Variants in PLD5 observed in about 807,000 individuals in gnomAD.
PLD5 encodes the protein inactive phospholipase D5.
A neutral mutation model predicts 61.1 loss-of-function variants in PLD5; 36 were observed. That is an observed-to-expected ratio of 0.59 (90% CI 0.45 to 0.78). The LOEUF (loss-of-function observed/expected upper bound fraction) is 0.78, where lower values mean the gene tolerates loss of function less well. PLD5 is among the 30% of genes least tolerant of loss of function. PLD5 has a pLI of 0.00. For missense variants in PLD5, 515 were observed against 644.4 expected (o/e 0.80, Z 2.17); for synonymous variants, 243 against 242.8 (o/e 1.00, Z -0.01).
chr1:242,473,509 G>T (rs1667502617), intron 1 of PLD5, among the ~76,000 whole-genome samples: 1 of 152,176 alleles, frequency 6.6e-6, no homozygotes, highest in Non-Finnish European at 1.5e-5. Flanking sequence ...AGAAAAAAAT[G>T]GTTTGTATGT....
In PLD5 at chr1:242,273,790, AGAG is replaced by A. The variant is rs1245361505; in HGVS notation, c.496-8345_496-8343del. Among the ~76,000 whole-genome samples, 3 of 152,360 alleles carry A rather than the reference AGAG, an allele frequency of 2.0e-5. No homozygotes were observed. The East Asian group carries it at 5.8e-4, about 29-fold the overall frequency. ...GGGCAAAAGGGGATTTGACACAACT[AGAG>A]GAGAAGACACTGTGAAGATGGAGCA... On this transcript the variant is annotated intron_variant, in intron 3 of 9. Coordinates refer to ENST00000536534, the MANE Select transcript of PLD5 (RefSeq NM_001372062.1).
intron 3 of PLD5, 52 bp downstream of exon 3, chr1:242,288,310 G>A: frequency 1.3e-6 from 2 of 1,588,324 alleles, no homozygotes; most frequent in Non-Finnish European, 1.7e-6. Context: ...ATACTAAGGA[G>A]TGGAAAATGC....
chr1:242,421,339 T>C (rs1665132432), intron 1 of PLD5, among the ~76,000 whole-genome samples: 1 of 152,174 alleles, frequency 6.6e-6, no homozygotes, highest in Non-Finnish European at 1.5e-5. Context: ...TAGGTTGGAT[T>C]TGGGTCTGTT....
chr1:242,255,385 T>C (rs1427611810), intron 4 of PLD5, among the ~76,000 whole-genome samples: 1 of 152,176 alleles, frequency 6.6e-6, no homozygotes, highest in Non-Finnish European at 1.5e-5. Flanking sequence ...AAAAAAAGCC[T>C]CAATAAGCTA....
chr1:242,492,557 A>G (rs948867059), intron 1 of PLD5, among the ~76,000 whole-genome samples: 18 of 151,964 alleles, frequency 1.2e-4, no homozygotes, highest in African/African-American at 4.4e-4. Flanking sequence ...AGAATACAAC[A>G]TCATATACTG....
chr1:242,417,668 A>G (rs1345591143), intron 1 of PLD5, among the ~76,000 whole-genome samples: 4 of 152,212 alleles, frequency 2.6e-5, no homozygotes, highest in African/African-American at 9.6e-5. Flanking sequence ...GATGAGGTCA[A>G]GAGCCCTCCA....
chr1:242,341,184 G>A (rs1281024110), intron 2 of PLD5, among the ~76,000 whole-genome samples: 1 of 151,536 alleles, frequency 6.6e-6, no homozygotes, highest in Non-Finnish European at 1.5e-5. Context: ...CACTGGCCAA[G>A]TAGTGACAAT....
At chr1:242,327,407 T>C (rs1423761587) in intron 2 of PLD5, among the ~76,000 whole-genome samples, 2 of 152,228 alleles carry the variant, frequency 1.3e-5, no homozygotes, top group Non-Finnish European at 1.5e-5. Context: ...TTTGACAATA[T>C]AGAGTTCTTT....
At chr1:242,288,072 A>G (rs1847099) in intron 3 of PLD5, among the ~76,000 whole-genome samples, 135,021 of 152,256 alleles carry the variant, frequency 0.89, 60,021 homozygotes, top group East Asian at 0.94. Context: ...AGAGATTATC[A>G]TGTAAATAGC....
rs542874749 is a variant in PLD5, at chr1:242,316,397, T to C, written c.327-27867A>G. Among the ~76,000 whole-genome samples the C allele has an allele frequency of 2.0e-5, 3 of 152,288 alleles. No homozygotes were observed. In the East Asian group the frequency reaches 5.8e-4, roughly 29 times the overall value. ...CTCCTGGCAGAGGGCCCTCCACTAT[T>C]GCAGGCACCTTCATGGCTTTCGGTT... On this transcript the variant is annotated intron_variant, in intron 2 of 9. Coordinates refer to ENST00000536534, the MANE Select transcript of PLD5 (RefSeq NM_001372062.1).
chr1:242,442,635 A>T (rs944159520), intron 1 of PLD5, among the ~76,000 whole-genome samples: 2 of 152,176 alleles, frequency 1.3e-5, no homozygotes, highest in East Asian at 1.9e-4. Context: ...TGAGCTGTAC[A>T]TCTATGATTT....
intron 4 of PLD5, among the ~76,000 whole-genome samples, chr1:242,260,784 A>G (rs1574628491): frequency 6.6e-6 from 1 of 152,368 alleles, no homozygotes; most frequent in African/African-American, 2.4e-5. Flanking sequence ...ATTAAGGATT[A>G]CATTTCTAAA....
chr1:242,529,502 C>A (rs1167507343), upstream of PLD5, among the ~76,000 whole-genome samples: 3 of 152,136 alleles, frequency 2.0e-5, no homozygotes, highest in Non-Finnish European at 4.4e-5. Flanking sequence ...GAAAGAGTGA[C>A]CTGCCCAAGA....
chr1:242,458,334 ATGAT>A (rs1342024403), intron 1 of PLD5, among the ~76,000 whole-genome samples: 7 of 152,234 alleles, frequency 4.6e-5, no homozygotes, highest in African/African-American at 1.7e-4. Context: ...CATATTACTA[ATGAT>A]TGCTCTCAAG....
intron 2 of PLD5, among the ~76,000 whole-genome samples, chr1:242,324,637 T>C (rs927803076): frequency 1.3e-5 from 2 of 152,130 alleles, no homozygotes; most frequent in Admixed American, 6.5e-5. Flanking sequence ...AACTAACAAA[T>C]CATCCACAAG....
At chr1:242,125,607 G>C (rs1048651799) in intron 5 of PLD5, among the ~76,000 whole-genome samples, 1 of 152,120 alleles carries the variant, frequency 6.6e-6, no homozygotes, top group Non-Finnish European at 1.5e-5. Flanking sequence ...GGTCATTAAA[G>C]AACAGCACAC....
At chr1:242,381,409 A>G (rs1662270753) in intron 1 of PLD5, among the ~76,000 whole-genome samples, 1 of 152,028 alleles carries the variant, frequency 6.6e-6, no homozygotes, top group African/African-American at 2.4e-5. Context: ...GGGGTGAGGG[A>G]GGGGGAAGGA....
chr1:242,452,308 T>C (rs2102925552), intron 1 of PLD5, among the ~76,000 whole-genome samples: 1 of 152,262 alleles, frequency 6.6e-6, no homozygotes, highest in Middle Eastern at 3.4e-3. Flanking sequence ...CAACCAGGAT[T>C]CTAGTGATAT....
intron 2 of PLD5, among the ~76,000 whole-genome samples, chr1:242,331,927 T>A (rs2218118): frequency 0.86 from 130,448 of 152,026 alleles, 56,567 homozygotes; most frequent in East Asian, 0.95. Context: ...GGGATACATG[T>A]GCAGAACGTG....
Sources: gnomAD v4.1 joint callset for allele counts (sites outside exome capture counted in the v4.1 genomes callset) on GRCh38, gnomAD v4.1.1 for gene constraint, MANE v1.5 for transcripts, NCBI Gene and HGNC (gene_info 2026-07-23, HGNC 2026-07-21) for gene names.